Variants in CNIH3 observed in about 807,000 individuals in gnomAD.
CNIH3 encodes the protein cornichon family AMPA receptor auxiliary protein 3.
A neutral mutation model predicts 24.1 loss-of-function variants in CNIH3; 14 were observed. The ratio of observed to expected loss-of-function variants is 0.58; its 90% CI spans 0.38 to 0.91. The LOEUF (loss-of-function observed/expected upper bound fraction) is 0.91, where lower values mean the gene tolerates loss of function less well. CNIH3 is among the 40% of genes least tolerant of loss of function. The pLI is 0.00. For synonymous variants in CNIH3, 68 were observed against 73.8 expected, an observed-to-expected ratio of 0.92 and a Z score of 0.40; for missense variants, 178 against 196.8, an observed-to-expected ratio of 0.90 and a Z score of 0.57.
At chr1:224,540,582 G>A (rs1051079658), downstream of CNIH3, among the ~76,000 whole-genome samples, 2 of 152,208 alleles carry the variant, frequency 1.3e-5, no homozygotes, top group African/African-American at 2.4e-5. Context: ...GAGATACCCA[G>A]CTTTGAAGAT....
chr1:224,716,489 C>T (rs2125213074), intron 3 of CNIH3, among the ~76,000 whole-genome samples: 1 of 152,274 alleles, frequency 6.6e-6, no homozygotes, highest in Non-Finnish European at 1.5e-5. Context: ...GCTTGGGAAT[C>T]ACAGAAATTA....
intron 4 of CNIH3, among the ~76,000 whole-genome samples, chr1:224,568,714 A>G (rs1166012029): frequency 6.6e-6 from 1 of 152,116 alleles, no homozygotes; most frequent in Non-Finnish European, 1.5e-5. Flanking sequence ...TGATCACGTC[A>G]TTGCATTCCA....
chr1:224,618,624 C>G (rs954852141), intron 1 of CNIH3, among the ~76,000 whole-genome samples: 3 of 152,238 alleles, frequency 2.0e-5, no homozygotes, highest in Admixed American at 6.5e-5. Context: ...AAGACCCTTG[C>G]TGGCTTCCTT....
At chr1:224,667,513 C>T (rs998959460) in intron 1 of CNIH3, among the ~76,000 whole-genome samples, 4 of 152,098 alleles carry the variant, frequency 2.6e-5, no homozygotes, top group African/African-American at 7.2e-5. Flanking sequence ...AGCATCTAAG[C>T]GACAATGAAC....
At chr1:224,554,660 T>G (rs1680063404) in intron 3 of CNIH3, among the ~76,000 whole-genome samples, 1 of 151,990 alleles carries the variant, frequency 6.6e-6, no homozygotes, top group South Asian at 2.1e-4. Context: ...CACGGCTTAG[T>G]GAAGCCTTGA....
chr1:224,521,236 G>A (rs996481126), exon 2 of CNIH3: 3 of 152,142 alleles, frequency 2.0e-5, no homozygotes, highest in African/African-American at 7.2e-5. Context: ...CGTGCATGTT[G>A]TCCTTGGTTT....
intron 1 of CNIH3, among the ~76,000 whole-genome samples, chr1:224,679,230 C>T (rs758419359): frequency 9.9e-5 from 15 of 151,776 alleles, no homozygotes; most frequent in Admixed American, 2.6e-4. Flanking sequence ...ATCCTAGCTA[C>T]TCGAGAAGCT....
In CNIH3 at chr1:224,668,371, A is replaced by T. The variant is rs546330235; in HGVS notation, c.82-12587A>T. Among the ~76,000 whole-genome samples, 3 of 152,326 alleles carry T rather than the reference A, an allele frequency of 2.0e-5. No individual in the cohort carries two copies. In the East Asian group the frequency reaches 5.8e-4, roughly 29 times the overall value. On this transcript the variant is annotated intron_variant, in intron 1 of 5. Transcript: ENST00000272133. ...CAATAGGCTACCATGCCCAGAAGCT[A>T]TTGTGTTTTCAGAGTCAACACAAAA... is the stretch of plus-strand genomic sequence containing the variant.
intron 3 of CNIH3, among the ~76,000 whole-genome samples, chr1:224,553,149 T>C (rs1177112256): frequency 5.3e-5 from 8 of 150,134 alleles, no homozygotes; most frequent in Admixed American, 5.3e-4. Flanking sequence ...CCCTGTGATA[T>C]TACAAGTAAT....
chr1:224,516,246 G>A (rs892190297), intron 1 of CNIH3, among the ~76,000 whole-genome samples: 2 of 149,146 alleles, frequency 1.3e-5, no homozygotes, highest in East Asian at 2.0e-4. Context: ...ACCAGGAGGC[G>A]GAGGTTGCAG....
chr1:224,482,103 G>A (rs923271376), intron 1 of CNIH3, among the ~76,000 whole-genome samples: 14 of 152,160 alleles, frequency 9.2e-5, no homozygotes, highest in Non-Finnish European at 1.8e-4. Context: ...TGTGTTGAAT[G>A]CTCTCAAGCC....
At chr1:224,485,807 C>T (rs949288464) in intron 1 of CNIH3, among the ~76,000 whole-genome samples, 2 of 152,064 alleles carry the variant, frequency 1.3e-5, no homozygotes, top group African/African-American at 4.8e-5. Context: ...AAATTTTAAG[C>T]GTGCAAAGAA....
intron 3 of CNIH3, among the ~76,000 whole-genome samples, chr1:224,607,619 G>A (rs1233716376): frequency 6.6e-6 from 1 of 152,204 alleles, no homozygotes; most frequent in African/African-American, 2.4e-5. Flanking sequence ...TCAGGTGAGT[G>A]AAGGGATGAC....
At chr1:224,694,965 A>G (rs1412897766) in intron 3 of CNIH3, among the ~76,000 whole-genome samples, 3 of 152,180 alleles carry the variant, frequency 2.0e-5, no homozygotes, top group African/African-American at 7.2e-5. Flanking sequence ...GAGGGATAAA[A>G]GACTACACGT....
At chr1:224,713,179 C>A (rs1023135973) in intron 3 of CNIH3, among the ~76,000 whole-genome samples, 13 of 152,332 alleles carry the variant, frequency 8.5e-5, no homozygotes, top group Admixed American at 6.5e-5. Context: ...GCCCAGGAGA[C>A]CCGTTGCAGT....
chr1:224,560,392 A>G (rs1434206531), intron 3 of CNIH3, among the ~76,000 whole-genome samples: 1 of 152,158 alleles, frequency 6.6e-6, no homozygotes, highest in African/African-American at 2.4e-5. Flanking sequence ...ACTTTGTGTT[A>G]TCTTTTAATC....
intron 3 of CNIH3, among the ~76,000 whole-genome samples, chr1:224,554,112 G>T (rs1680039245): frequency 1.3e-5 from 2 of 152,028 alleles, no homozygotes; most frequent in Non-Finnish European, 2.9e-5. Flanking sequence ...GTAATGCCTG[G>T]GCCCTAGATT....
chr1:224,554,813 C>T (rs1680068422), intron 3 of CNIH3, among the ~76,000 whole-genome samples: 1 of 152,084 alleles, frequency 6.6e-6, no homozygotes, highest in East Asian at 1.9e-4. Flanking sequence ...TCTTTAACCC[C>T]TGGGCTCAAG....
chr1:224,740,058 C>T lies in CNIH3; in HGVS notation c.*702C>T, dbSNP rs981836607. Reference sequence around the variant, plus strand: ...ACAAGTTGTATTCTTCTTTTGCCACCTCAAACCATCACAGAGTCTTTAAAT... The same window carrying T: ...ACAAGTTGTATTCTTCTTTTGCCACTTCAAACCATCACAGAGTCTTTAAAT... On this transcript the variant is annotated 3_prime_UTR_variant, in exon 6 of 6. Transcript: ENST00000272133. 4 of 152,230 alleles carry T rather than the reference C, an allele frequency of 2.6e-5. No homozygotes were observed. Among genetic ancestry groups the T allele is most frequent in the African/African-American group, 9.7e-5 (4 of 41,450 alleles). The allele number at this position is 152,230 out of a possible 1,614,324, so 9.4% of individuals were successfully genotyped here. A position where few individuals can be genotyped will look rare whatever the true frequency, so the allele number is the denominator to read the frequency against.
Sources: allele counts gnomAD v4.1 joint callset (sites outside exome capture counted in the v4.1 genomes callset), GRCh38; gene constraint gnomAD v4.1.1; transcripts MANE v1.5; gene names NCBI Gene and HGNC (gene_info 2026-07-23, HGNC 2026-07-21).